The following RELN variants were observed in gnomAD, a reference collection of about 807,000 sequenced individuals.
RELN encodes reelin.
Under a neutral mutation model 427.6 loss-of-function variants are expected in RELN, and 108 were observed. The ratio of observed to expected loss-of-function variants is 0.25; its 90% CI spans 0.22 to 0.30. The LOEUF is 0.30. RELN is among the 10% of genes least tolerant of loss of function. The pLI is 1.00. For synonymous variants in RELN, 1,524 were observed against 1,513.4 expected (o/e 1.01, Z -0.16); for missense variants, 3,715 against 4,302.8 (o/e 0.86, Z 3.82).
intron 8 of RELN, among the ~76,000 whole-genome samples, chr7:103,718,888 A>G (rs1191753279): frequency 2.0e-5 from 3 of 152,166 alleles, no homozygotes; most frequent in African/African-American, 7.2e-5. Flanking sequence ...AGCTAAATTG[A>G]ACAAGTATAT....
rs1200629734 is a variant in RELN, at chr7:103,723,127, A to G, written c.805+13T>C. ...TCCAAATTAAATCGTTATAACTGCTAAAAAACACTTACCAATGGAAAATTG... is the reference window on the plus strand; with the variant it reads ...TCCAAATTAAATCGTTATAACTGCTGAAAAACACTTACCAATGGAAAATTG... On this transcript the variant is annotated intron_variant, in intron 8 of 64. Transcript: ENST00000428762. 2 of 1,558,622 alleles carry G rather than the reference A, an allele frequency of 1.3e-6. No homozygotes were observed. Among genetic ancestry groups the G allele is most frequent in the Admixed American group, 1.7e-5 (1 of 59,828 alleles).
chr7:103,566,658 G>A lies in RELN; in HGVS notation c.4690C>T (p.Leu1564=), dbSNP rs1350535311. The A allele has an allele frequency of 2.5e-6, 4 of 1,613,980 alleles. No homozygotes were observed. Among genetic ancestry groups the A allele is most frequent in the Non-Finnish European group, 3.4e-6 (4 of 1,180,012 alleles). The change falls in exon 32 of 65, where the codon CTG becomes TTG. Residue 1564 remains leucine (L), a synonymous_variant. Transcript: ENST00000428762. ...GCAGGTGTCTTCGCGTCCTGTGGCA[G>A]GTCAATGGAAATGATCTGTGGTTCC... ...FLEPQIISID[L]PQDAKTPATA...
chr7:103,975,707 G>A (rs1208296082), intron 1 of RELN, among the ~76,000 whole-genome samples: 1 of 147,086 alleles, frequency 6.8e-6, no homozygotes, highest in Non-Finnish European at 1.5e-5. Flanking sequence ...CACCACGCCT[G>A]GCTGATTTTT....
At chr7:103,524,849 C>T (rs1335255110) in intron 46 of RELN, among the ~76,000 whole-genome samples, 1 of 152,126 alleles carries the variant, frequency 6.6e-6, no homozygotes, top group Non-Finnish European at 1.5e-5. Flanking sequence ...ATTTTGCTTG[C>T]TCCCCAGCTT....
intron 61 of RELN, 41 bp downstream of exon 61, chr7:103,486,156 A>G (rs755179129): frequency 6.0e-5 from 95 of 1,573,100 alleles, no homozygotes; most frequent in Non-Finnish European, 8.0e-5. Flanking sequence ...TGGGCTTGTG[A>G]CTAATTCTAT....
Position 103,510,791 on chromosome 7 carries a change from T to C in RELN, c.8274+60A>G, listed in dbSNP as rs1307858179. On this transcript the variant is annotated intron_variant, in intron 51 of 64. Coordinates refer to ENST00000428762, the MANE Select transcript of RELN (RefSeq NM_005045.4). Reference sequence around the variant, plus strand: ...AAATATTAGATCATCTTTTCTCTGATATTTTTTGTTATATTGCTAATGTAT... The same window carrying C: ...AAATATTAGATCATCTTTTCTCTGACATTTTTTGTTATATTGCTAATGTAT... The C allele has an allele frequency of 6.7e-6, 9 of 1,343,792 alleles. No homozygotes were observed. In the East Asian group the frequency reaches 2.1e-4, roughly 31 times the overall value. The allele number at this position is 1,343,792 out of a possible 1,614,324, so 83.2% of individuals were successfully genotyped here.
At chr7:103,981,744 T>C (rs1796994113) in intron 1 of RELN, among the ~76,000 whole-genome samples, 2 of 152,244 alleles carry the variant, frequency 1.3e-5, no homozygotes, top group Non-Finnish European at 1.5e-5. Context: ...CATTGGCATG[T>C]GGCCATTATC....
In RELN at chr7:103,661,489, C is replaced by T. The variant is rs1833140961; in HGVS notation, c.1328G>A (p.Gly443Glu). Residue 443 changes from glycine (G) to glutamate (E), a missense_variant, in exon 12 of 65, where the codon GGA becomes GAA. Gly to Glu is a moderately conservative substitution (Grantham distance 98). Coordinates refer to ENST00000428762, the MANE Select transcript of RELN (RefSeq NM_005045.4). ...VLGAVIGTEC[G>E]TIESGLSMVF... Reference sequence around the variant, plus strand: ...CATTGATAAGCCTGATTCTATCGTTCCACATTCTGTACCAATGACAGCTCC... The same window carrying T: ...CATTGATAAGCCTGATTCTATCGTTTCACATTCTGTACCAATGACAGCTCC... 6.2e-7 allele frequency: 1 copy of T among 1,613,586 alleles called. No individual in the cohort carries two copies. Among genetic ancestry groups the T allele is most frequent in the African/African-American group, 1.3e-5 (1 of 74,872 alleles).
intron 52 of RELN, among the ~76,000 whole-genome samples, chr7:103,502,075 C>T (rs1193608855): frequency 1.3e-5 from 2 of 152,148 alleles, no homozygotes; most frequent in Admixed American, 6.5e-5. Flanking sequence ...CTGAAGACAC[C>T]GTTCAACTTA....
At chr7:103,898,705 T>C (rs1005885967) in intron 2 of RELN, among the ~76,000 whole-genome samples, 2 of 149,330 alleles carry the variant, frequency 1.3e-5, no homozygotes, top group Non-Finnish European at 2.9e-5. Context: ...CTCACATATA[T>C]TGAACATTTG....
chr7:103,524,954 C>T (rs766344466), intron 46 of RELN, among the ~76,000 whole-genome samples: 4 of 152,268 alleles, frequency 2.6e-5, no homozygotes, highest in Admixed American at 1.3e-4. Context: ...CCTTGGCCCA[C>T]AAGGTCCTGC....
chr7:103,784,361 G>A (rs1791965939), intron 3 of RELN, among the ~76,000 whole-genome samples: 1 of 152,092 alleles, frequency 6.6e-6, no homozygotes, highest in Non-Finnish European at 1.5e-5. Context: ...TTCCTCAGCA[G>A]CCCTCACCTA....
intron 46 of RELN, among the ~76,000 whole-genome samples, chr7:103,526,033 G>T (rs542673089): frequency 6.6e-6 from 1 of 152,310 alleles, no homozygotes; most frequent in South Asian, 2.1e-4. Context: ...ATGTCCTGTA[G>T]GGTAGATGGG....
chr7:103,736,342 T>A (rs570418), intron 6 of RELN, among the ~76,000 whole-genome samples: 78,866 of 151,994 alleles, frequency 0.52, 20,640 homozygotes, highest in African/African-American at 0.55. Context: ...TAATTTTTTT[T>A]AAATCCTATC....
intron 4 of RELN, among the ~76,000 whole-genome samples, chr7:103,760,064 A>C (rs1417719633): frequency 7.6e-6 from 1 of 130,860 alleles, no homozygotes; most frequent in African/African-American, 3.0e-5. Context: ...CATTCAATTA[A>C]TATTCACTGA....
At chr7:103,735,130 A>T (rs569538075) in intron 6 of RELN, among the ~76,000 whole-genome samples, 2 of 152,304 alleles carry the variant, frequency 1.3e-5, no homozygotes, top group African/African-American at 4.8e-5. Context: ...GACCAAAAAA[A>T]CTAGGATCAA....
At chr7:103,495,668 C>A in intron 57 of RELN, 55 bp downstream of exon 57, 1 of 1,531,394 alleles carries the variant, frequency 6.5e-7, no homozygotes, top group Non-Finnish European at 9.0e-7. Flanking sequence ...ACCATTCTCC[C>A]TCGAGGCCCC....
At chr7:103,982,370 G>A (rs1318745462) in intron 1 of RELN, among the ~76,000 whole-genome samples, 1 of 152,100 alleles carries the variant, frequency 6.6e-6, no homozygotes, top group African/African-American at 2.4e-5. Flanking sequence ...GAGGACCACA[G>A]CAATTCAGAG....
chr7:103,587,109 A>T (rs1055004605), intron 28 of RELN, among the ~76,000 whole-genome samples: 57 of 152,240 alleles, frequency 3.7e-4, no homozygotes, highest in African/African-American at 1.4e-3. Context: ...AAGAGGCATC[A>T]CCTTACCTGA....
Sources: gnomAD v4.1 joint callset for allele counts (sites outside exome capture counted in the v4.1 genomes callset) on GRCh38, gnomAD v4.1.1 for gene constraint, MANE v1.5 for transcripts, NCBI Gene and HGNC (gene_info 2026-07-23, HGNC 2026-07-21) for gene names.